CTNND2: variants seen among roughly 807,000 people sequenced by gnomAD.
CTNND2 encodes catenin delta-2.
Under a neutral mutation model 144.4 loss-of-function variants are expected in CTNND2, and 22 were observed. The observed-to-expected ratio is 0.15, with a 90% CI of 0.11 to 0.22. CTNND2 has a LOEUF of 0.22. Ranked by LOEUF, CTNND2 falls within the 10% of genes least tolerant of loss-of-function variation. CTNND2 has a pLI of 1.00. For missense variants in CTNND2, 1,353 were observed against 1,618.8 expected (o/e 0.84, Z 2.82); for synonymous variants, 751 against 695.6 (o/e 1.08, Z -1.25).
intron 1 of CTNND2, among the ~76,000 whole-genome samples, chr5:11,890,551 A>C (rs1182649506): frequency 6.6e-6 from 1 of 152,206 alleles, no homozygotes; most frequent in Non-Finnish European, 1.5e-5. Context: ...TTGATGAATT[A>C]AAATTTTATC....
At chr5:11,494,346 T>C (rs182006833) in intron 3 of CTNND2, among the ~76,000 whole-genome samples, 49 of 152,306 alleles carry the variant, frequency 3.2e-4, no homozygotes, top group South Asian at 2.9e-3. Flanking sequence ...CAGACATTTT[T>C]TGAAGTTCAG....
chr5:11,874,955 G>T (rs528767334), intron 1 of CTNND2, among the ~76,000 whole-genome samples: 1 of 143,928 alleles, frequency 6.9e-6, no homozygotes, highest in East Asian at 2.0e-4. Flanking sequence ...TACCAGTGAT[G>T]AGGTGATTCT....
At chr5:11,396,918 A>G in intron 6 of CTNND2, 113 bp downstream of exon 6, 1 of 1,009,438 alleles carries the variant, frequency 9.9e-7, no homozygotes, top group Non-Finnish European at 1.5e-6. Context: ...AAGTTGAGGG[A>G]CACACCTACA....
intron 5 of CTNND2, among the ~76,000 whole-genome samples, chr5:11,405,576 G>A (rs985433076): frequency 3.4e-5 from 5 of 148,528 alleles, no homozygotes; most frequent in Non-Finnish European, 4.4e-5. Context: ...GCAGGACTCC[G>A]TTAAAAAAAA....
In CTNND2 at chr5:10,972,588, G is replaced by T. The variant is rs1735951136; in HGVS notation, c.*865C>A. ...CACTGTATCATCATAAAGAAAACTG[G>T]TATAAATGAAAAAATCTATTTCAAA... On this transcript the variant is annotated 3_prime_UTR_variant, in exon 22 of 22. Coordinates refer to ENST00000304623, the MANE Select transcript of CTNND2 (RefSeq NM_001332.4). 1 of 152,532 alleles carries T rather than the reference G, an allele frequency of 6.6e-6. No homozygotes were observed. Among genetic ancestry groups the T allele is most frequent in the Non-Finnish European group, 1.5e-5 (1 of 68,018 alleles). The allele number at this position is 152,532 out of a possible 1,614,324, so 9.4% of individuals were successfully genotyped here.
At chr5:10,976,469 T>C (rs1372737104) in intron 21 of CTNND2, among the ~76,000 whole-genome samples, 1 of 152,224 alleles carries the variant, frequency 6.6e-6, no homozygotes, top group Non-Finnish European at 1.5e-5. Context: ...TGGGTGTCTG[T>C]TACGGTCTAG....
intron 16 of CTNND2, among the ~76,000 whole-genome samples, chr5:11,033,639 G>A (rs968096339): frequency 2.6e-5 from 4 of 152,102 alleles, no homozygotes; most frequent in South Asian, 2.1e-4. Flanking sequence ...GACCAGCTTG[G>A]CCAACATGGT....
At chr5:11,811,658 T>C (rs1433435036) in intron 1 of CTNND2, among the ~76,000 whole-genome samples, 2 of 152,148 alleles carry the variant, frequency 1.3e-5, no homozygotes, top group East Asian at 3.9e-4. Flanking sequence ...AAGCTTCTGA[T>C]CTATTTTCAT....
intron 16 of CTNND2, among the ~76,000 whole-genome samples, chr5:11,031,372 G>C (rs1743458775): frequency 6.6e-6 from 1 of 152,110 alleles, no homozygotes. Context: ...AGGAACATGT[G>C]CACAGCTGCC....
intron 2 of CTNND2, among the ~76,000 whole-genome samples, chr5:11,659,330 T>C (rs142299104): frequency 6.6e-6 from 1 of 152,262 alleles, no homozygotes; most frequent in East Asian, 1.9e-4. Context: ...AATTTTGGTA[T>C]CTGCAGGTCC....
At chr5:11,002,262 T>C (rs1021149217) in intron 18 of CTNND2, among the ~76,000 whole-genome samples, 1 of 152,186 alleles carries the variant, frequency 6.6e-6, no homozygotes, top group Non-Finnish European at 1.5e-5. Context: ...CCAGTGGTGC[T>C]CCAGAAAACA....
intron 2 of CTNND2, among the ~76,000 whole-genome samples, chr5:11,693,426 T>A (rs1425884860): frequency 6.6e-6 from 1 of 152,230 alleles, no homozygotes; most frequent in Non-Finnish European, 1.5e-5. Context: ...TTTAGGGAAG[T>A]TATTTAAATT....
rs147743616 is a variant in CTNND2, at chr5:11,496,352, G to A, written c.287+68592C>T. Among the ~76,000 whole-genome samples, 4 of 152,278 alleles carry A rather than the reference G, an allele frequency of 2.6e-5. No individual in the cohort carries two copies. In the East Asian group the frequency reaches 5.8e-4, roughly 22 times the overall value. On this transcript the variant is annotated intron_variant, in intron 3 of 21. Transcript: ENST00000304623. The stretch of plus-strand genomic sequence containing the variant: ...TGCAGCTCTGCTACCATTCAGAACT[G>A]TCACACTGAGAACATGTTTGGCTTC...
At chr5:11,599,418 T>C (rs1779671855) in intron 2 of CTNND2, among the ~76,000 whole-genome samples, 1 of 152,210 alleles carries the variant, frequency 6.6e-6, no homozygotes, top group African/African-American at 2.4e-5. Context: ...CTTCTAGAAC[T>C]TTTCTGTAGT....
At chr5:11,083,762 G>T (rs1749845323) in intron 15 of CTNND2, 2 of 297,590 alleles carry the variant, frequency 6.7e-6, no homozygotes, top group South Asian at 6.4e-5. Flanking sequence ...ACGCAATGAG[G>T]CTGTGGATTC....
At chr5:11,546,480 C>T (rs1775245506) in intron 3 of CTNND2, among the ~76,000 whole-genome samples, 1 of 152,046 alleles carries the variant, frequency 6.6e-6, no homozygotes, top group South Asian at 2.1e-4. Context: ...TATATAAAAA[C>T]CCTAAAGAAG....
intron 2 of CTNND2, among the ~76,000 whole-genome samples, chr5:11,722,199 TAAG>T (rs1397661503): frequency 6.6e-6 from 1 of 152,198 alleles, no homozygotes; most frequent in African/African-American, 2.4e-5. Context: ...AGTTTTCTCC[TAAG>T]AAGATGCTGA....
At chr5:11,576,241 C>T (rs1009141007) in intron 2 of CTNND2, among the ~76,000 whole-genome samples, 1 of 151,902 alleles carries the variant, frequency 6.6e-6, no homozygotes, top group Non-Finnish European at 1.5e-5. Context: ...ATCTGTTTTT[C>T]AAAATACAGC....
Position 11,034,427 on chromosome 5 carries a change from C to T in CTNND2, c.2789-11448G>A, listed in dbSNP as rs1035877758. 3.3e-5 allele frequency among the ~76,000 whole-genome samples: 5 copies of T among 152,162 alleles called. No individual in the cohort carries two copies. In the South Asian group the frequency reaches 1.0e-3, roughly 32 times the overall value. Reference sequence around the variant, plus strand: ...TGTTACTGAGTTACTCCACCAAATTCCTCTGAGTAAAATTCTTAGTGTCCT... The same window carrying T: ...TGTTACTGAGTTACTCCACCAAATTTCTCTGAGTAAAATTCTTAGTGTCCT... On this transcript the variant is annotated intron_variant, in intron 16 of 21. Transcript: ENST00000304623.
Sources: gnomAD v4.1 joint callset for allele counts (sites outside exome capture counted in the v4.1 genomes callset) on GRCh38, gnomAD v4.1.1 for gene constraint, MANE v1.5 for transcripts, NCBI Gene and HGNC (gene_info 2026-07-23, HGNC 2026-07-21) for gene names.